Variants in NOS3 observed in about 807,000 individuals in gnomAD.
NOS3 encodes the protein nitric oxide synthase 3.
A neutral mutation model predicts 144.9 loss-of-function variants in NOS3; 98 were observed. That is an observed-to-expected ratio of 0.68 (90% confidence interval 0.57 to 0.80). NOS3 has a LOEUF of 0.80. Among genes scored for constraint, NOS3 ranks in the 30% least tolerant of loss-of-function variants. The pLI is 0.00. For missense variants in NOS3, 1,465 were observed against 1,656.4 expected (o/e 0.88, Z 2.01); for synonymous variants, 714 against 702.4 (o/e 1.02, Z -0.26).
At chr7:151,008,335 T>G (rs999539766) in intron 17 of NOS3, among the ~76,000 whole-genome samples, 1 of 152,122 alleles carries the variant, frequency 6.6e-6, no homozygotes, top group Admixed American at 6.5e-5. Context: ...GGGTGAGCCC[T>G]GCATTTCAAG....
Position 151,008,817 on chromosome 7 carries a change from C to G in NOS3, c.2113-113C>G. On this transcript the variant is annotated intron_variant, in intron 17 of 26. Coordinates refer to ENST00000297494, the MANE Select transcript of NOS3 (RefSeq NM_000603.5). Reference sequence around the variant, plus strand: ...GTGCTGTCCTTGGCGCCGGCCTCAGCCACTGGGGCTGCCAACCCCCCAGGA... The same window carrying G: ...GTGCTGTCCTTGGCGCCGGCCTCAGGCACTGGGGCTGCCAACCCCCCAGGA... 2.4e-6 allele frequency: 3 copies of G among 1,255,064 alleles called. No individual in the cohort carries two copies. The East Asian group carries it at 7.9e-5, about 33-fold the overall frequency. The allele number at this position is 1,255,064 out of a possible 1,614,324, so 77.7% of individuals were successfully genotyped here. A position where few individuals can be genotyped will look rare whatever the true frequency, so the allele number is the denominator to read the frequency against.
Position 151,006,941 on chromosome 7 carries a change from T to G in NOS3, c.1873T>G (p.Ser625Ala), listed in dbSNP as rs748078803. 6.2e-7 allele frequency: 1 copy of G among 1,614,134 alleles called. No individual in the cohort carries two copies. Reference sequence around the variant, plus strand: ...CTCCTGCTCAGACCCACTGGTGTCCTCTTGGCGGCGGAAGAGGAAGGAGTC... The same window carrying G: ...CTCCTGCTCAGACCCACTGGTGTCCGCTTGGCGGCGGAAGAGGAAGGAGTC... Reference protein sequence around the residue: ...SISCSDPLVSSWRRKRKESSN... With the variant: ...SISCSDPLVSAWRRKRKESSN... Residue 625 changes from serine (S) to alanine (A), a missense_variant, in exon 16 of 27, where the codon TCT becomes GCT. Ser to Ala is a moderately conservative substitution (Grantham distance 99). Coordinates refer to ENST00000297494, the MANE Select transcript of NOS3 (RefSeq NM_000603.5).
At chr7:151,006,523 G>A (rs765291081) in intron 15 of NOS3, 29 bp downstream of exon 15, 8 of 1,582,130 alleles carry the variant, frequency 5.1e-6, no homozygotes, top group Non-Finnish European at 4.3e-6. Flanking sequence ...TGGGGGAGCT[G>A]GGGGAGCTGA....
rs1802485545 is a variant in NOS3, at chr7:150,998,455, G to A, written c.674+7G>A. The A allele has an allele frequency of 1.2e-6, 2 of 1,612,024 alleles. No homozygotes were observed. The highest frequency in any genetic ancestry group is 1.7e-6 in the Non-Finnish European group (2 of 1,179,694). Reference sequence around the variant, plus strand: ...CCAACCGGGGCAACCTTCGGTGAGTGCCCCCCACCATGCCAGGCCCCAGCC... The same window carrying A: ...CCAACCGGGGCAACCTTCGGTGAGTACCCCCCACCATGCCAGGCCCCAGCC... On this transcript the variant is annotated splice_region_variant and intron_variant, in intron 6 of 26. Coordinates refer to ENST00000297494, the MANE Select transcript of NOS3 (RefSeq NM_000603.5). This position sits in a 1 kb window ranked among gnomAD's most constrained non-coding sequence, Gnocchi z 5.0.
intron 17 of NOS3, 43 bp downstream of exon 17, chr7:151,007,319 A>C (rs1169959515): frequency 6.5e-7 from 1 of 1,543,908 alleles, no homozygotes; most frequent in Admixed American, 1.9e-5. Flanking sequence ...GCCCCCTGGG[A>C]TGCCTCCTCC....
intron 1 of NOS3, among the ~76,000 whole-genome samples, chr7:150,992,699 T>C (rs1185176514): frequency 1.3e-5 from 2 of 151,902 alleles, no homozygotes; most frequent in Non-Finnish European, 2.9e-5. Flanking sequence ...TTTGTTTGTC[T>C]GTCTGTCTGC....
Position 151,014,290 on chromosome 7 carries a change from C to A in NOS3, c.*121C>A. The A allele has an allele frequency of 2.9e-6, 3 of 1,038,002 alleles. No individual in the cohort carries two copies. Among genetic ancestry groups the A allele is most frequent in the Non-Finnish European group, 2.7e-6 (2 of 732,594 alleles). 64.3% of individuals were successfully genotyped at this position (1,038,002 alleles called of 1,614,324 possible). On this transcript the variant is annotated 3_prime_UTR_variant, in exon 27 of 27. Coordinates refer to ENST00000297494, the MANE Select transcript of NOS3 (RefSeq NM_000603.5). Reference sequence around the variant, plus strand: ...GTGCCTTCTCACATCTGTCCAGAGGCTGCAAGGATTCAGCATTATTCCTCC... The same window carrying A: ...GTGCCTTCTCACATCTGTCCAGAGGATGCAAGGATTCAGCATTATTCCTCC...
rs1361351935 is a variant in NOS3, at chr7:151,002,223, C to T, written c.1671C>T (p.Asp557=). ...DPRVLCMDEY[D]VVSLEHETLV... is the part of the protein sequence containing the mutation. ...AGGTCCTGTGTATGGATGAGTATGACGTGGTGTCCCTCGAACACGAGACGC... is the reference window on the plus strand; with the variant it reads ...AGGTCCTGTGTATGGATGAGTATGATGTGGTGTCCCTCGAACACGAGACGC... The change falls in exon 14 of 27, where the codon GAC becomes GAT. Residue 557 remains aspartate (D), a synonymous_variant. Transcript: ENST00000297494. The surrounding 1 kb of genome is among the most constrained non-coding windows in gnomAD (Gnocchi z 4.1). The T allele has an allele frequency of 4.4e-6, 7 of 1,598,514 alleles. No homozygotes were observed. The highest frequency in any genetic ancestry group is 1.3e-5 in the African/African-American group (1 of 74,868).
Position 151,006,962 on chromosome 7 carries a change from G to A in NOS3, c.1894G>A (p.Glu632Lys). 1 of 1,614,160 alleles carries A rather than the reference G, an allele frequency of 6.2e-7. No individual in the cohort carries two copies. The highest frequency in any genetic ancestry group is 8.5e-7 in the Non-Finnish European group (1 of 1,180,024). Residue 632 changes from glutamate (E) to lysine (K), a missense_variant, in exon 16 of 27, where the codon GAG becomes AAG. This residue lies in a region of NOS3 where 745 missense variants were observed against 853.9 expected (regional missense o/e 0.87). Coordinates refer to ENST00000297494, the MANE Select transcript of NOS3 (RefSeq NM_000603.5). ...GTCCTCTTGGCGGCGGAAGAGGAAG[G>A]AGTCCAGTAACACAGACAGTGCAGG... ...LVSSWRRKRK[E>K]SSNTDSAGAL...
chr7:151,013,660 A>G, intron 25 of NOS3, 64 bp from the exon 26 acceptor site: 2 of 1,395,712 alleles, frequency 1.4e-6, no homozygotes, highest in Non-Finnish European at 1.9e-6. Flanking sequence ...GCCAGCCAGC[A>G]GCCCCGGGCT....
rs1272957878 is a variant in NOS3, at chr7:151,007,236, A to T, written c.2072A>T (p.Gln691Leu). Residue 691 changes from glutamine (Q) to leucine (L), a missense_variant, in exon 17 of 27, where the codon CAG becomes CTG. By Grantham distance (113) the Gln-to-Leu change is moderately radical. This residue lies in a region of NOS3 where 745 missense variants were observed against 853.9 expected (regional missense o/e 0.87). Coordinates refer to ENST00000297494, the MANE Select transcript of NOS3 (RefSeq NM_000603.5). ...GGCCAGGGCGACGAGCTGTGCGGCC[A>T]GGAGGAGGCCTTCCGAGGCTGGGCC... ...QLGQGDELCG[Q>L]EEAFRGWAQA... 3 of 1,607,556 alleles carry T rather than the reference A, an allele frequency of 1.9e-6. No homozygotes were observed. Among genetic ancestry groups the T allele is most frequent in the Non-Finnish European group, 2.5e-6 (3 of 1,179,134 alleles).
Position 150,998,568 on chromosome 7 carries a change from G to T in NOS3, c.704G>T (p.Cys235Phe), listed in dbSNP as rs1794784225. Residue 235 changes from cysteine (C) to phenylalanine (F), a missense_variant, in exon 7 of 27, where the codon TGC becomes TTC. Physicochemically the swap from Cys to Phe is radical, Grantham distance 205. Coordinates refer to ENST00000297494, the MANE Select transcript of NOS3 (RefSeq NM_000603.5). The surrounding 1 kb of genome is among the most constrained non-coding windows in gnomAD (Gnocchi z 5.0). ...GCCATCACAGTGTTCCCGCAGCGCT[G>T]CCCTGGCCGAGGAGACTTCCGAATC... Reference protein sequence around the residue: ...RSAITVFPQRCPGRGDFRIWN... With the variant: ...RSAITVFPQRFPGRGDFRIWN... The T allele has an allele frequency of 4.3e-6, 7 of 1,609,310 alleles. No homozygotes were observed. Among genetic ancestry groups the T allele is most frequent in the Non-Finnish European group, 5.9e-6 (7 of 1,178,814 alleles).
chr7:151,006,450 G>A lies in NOS3; in HGVS notation c.1776G>A (p.Glu592=), dbSNP rs759006512. ...NGESFAAALM[E]MSGPYNSSPR... is the part of the protein sequence containing the mutation. ...AGAGCTTTGCAGCTGCCCTGATGGA[G>A]ATGTCCGGCCCCTACAACAGCTCCC... Residue 592 remains glutamate, a synonymous_variant, in exon 15 of 27, where the codon GAG becomes GAA. Coordinates refer to ENST00000297494, the MANE Select transcript of NOS3 (RefSeq NM_000603.5). 7.4e-6 allele frequency: 12 copies of A among 1,613,834 alleles called. No individual in the cohort carries two copies. The East Asian group carries it at 1.6e-4, about 21-fold the overall frequency.
At position 151,001,521 on chromosome 7, in the gene NOS3, C is replaced by G. The variant is rs748999294; in HGVS notation, c.1429-23C>G. ...CCTTTCCTTTTCTTTACCTCCCCTC[C>G]CAACCCCATCATCTCTCTGCAGCCA... is the stretch of plus-strand genomic sequence containing the variant. On this transcript the variant is annotated intron_variant, in intron 11 of 26. Coordinates refer to ENST00000297494, the MANE Select transcript of NOS3 (RefSeq NM_000603.5). 87 of 1,612,918 alleles carry G rather than the reference C, an allele frequency of 5.4e-5. No individual in the cohort carries two copies. In the Admixed American group the frequency reaches 9.2e-4, roughly 17 times the overall value.
chr7:151,009,687 C>G (rs1369389646), intron 20 of NOS3, 102 bp downstream of exon 20: 1 of 947,052 alleles, frequency 1.1e-6, no homozygotes, highest in Non-Finnish European at 1.5e-6. Context: ...CAGGGGGTGG[C>G]CACCTCCTCC....
chr7:151,006,877 C>G lies in NOS3; in HGVS notation c.1821-12C>G, dbSNP rs1795214033. ...GCCCTGTGACAACCTTGTCTTTGTC[C>G]TCTCTTGCCAGGAGTTATAAGATCC... is the stretch of plus-strand genomic sequence containing the variant. On this transcript the variant is annotated splice_polypyrimidine_tract_variant and intron_variant, in intron 15 of 26. Coordinates refer to ENST00000297494, the MANE Select transcript of NOS3 (RefSeq NM_000603.5). 6.2e-7 allele frequency: 1 copy of G among 1,605,190 alleles called. No individual in the cohort carries two copies. Among genetic ancestry groups the G allele is most frequent in the Non-Finnish European group, 8.5e-7 (1 of 1,172,386 alleles).
chr7:151,012,635 G>A, intron 24 of NOS3, 163 bp downstream of exon 24: 1 of 795,670 alleles, frequency 1.3e-6, no homozygotes, highest in East Asian at 2.7e-5. Context: ...CCAAAGGCAA[G>A]GGCTGGGCCC....
intron 25 of NOS3, 139 bp from the exon 26 acceptor site, chr7:151,013,585 C>T (rs1795358843): frequency 9.7e-7 from 1 of 1,030,804 alleles, no homozygotes; most frequent in South Asian, 1.7e-5. Context: ...GGCTCTGCCC[C>T]TGTTGACACC....
At position 150,996,766 on chromosome 7, in the gene NOS3, C is replaced by T. The variant is rs756181873; in HGVS notation, c.423C>T (p.Ser141=). Residue 141 remains serine, a synonymous_variant, in exon 5 of 27, where the codon AGC becomes AGT. Transcript: ENST00000297494. The part of the protein sequence containing the change: ...INQYYSSIKR[S]GSQAHEQRLQ... ...TTCCCACCCCTCTCCTCCCCAGGAG[C>T]GGCTCCCAGGCCCACGAACAGCGGC... The T allele has an allele frequency of 3.1e-6, 5 of 1,611,718 alleles. No individual in the cohort carries two copies. In the South Asian group the frequency reaches 3.3e-5, roughly 11 times the overall value.
Sources: gnomAD v4.1 joint callset for allele counts (sites outside exome capture counted in the v4.1 genomes callset) on GRCh38, gnomAD v4.1.1 for gene constraint, gnomAD v4.1.1 regional missense constraint, Gnocchi (gnomAD v3.1) non-coding constraint, MANE v1.5 for transcripts, NCBI Gene and HGNC (gene_info 2026-07-23, HGNC 2026-07-21) for gene names.